GRHL2: variants seen among roughly 807,000 people sequenced by gnomAD.
GRHL2 encodes grainyhead-like protein 2 homolog.
A neutral mutation model predicts 83.8 loss-of-function variants in GRHL2; 21 were observed. The observed-to-expected ratio is 0.25, with a 90% CI of 0.18 to 0.36. The LOEUF (loss-of-function observed/expected upper bound fraction) is 0.36, where lower values mean the gene tolerates loss of function less well. Ranked by LOEUF, GRHL2 falls within the 10% of genes least tolerant of loss-of-function variation. The probability of loss-of-function intolerance (pLI) is 1.00; values close to 1 mark genes in which losing one functional copy is unlikely to be tolerated. For synonymous variants in GRHL2, 280 were observed against 278.9 expected (o/e 1.00, Z -0.04); for missense variants, 623 against 781.8 (o/e 0.80, Z 2.42).
intron 1 of GRHL2, among the ~76,000 whole-genome samples, chr8:101,527,485 G>T (rs1810832292): frequency 1.3e-5 from 2 of 152,174 alleles, no homozygotes; most frequent in Admixed American, 1.3e-4. Flanking sequence ...ATAGCTATGA[G>T]CCACTGTGCT....
intron 7 of GRHL2, among the ~76,000 whole-genome samples, chr8:101,592,144 G>A (rs1181056722): frequency 8.8e-5 from 10 of 113,960 alleles, no homozygotes; most frequent in Admixed American, 1.4e-4. Context: ...TTGCTCTGTC[G>A]CCCAGGCTGG....
intron 9 of GRHL2, among the ~76,000 whole-genome samples, chr8:101,628,720 C>A (rs773087157): frequency 6.6e-6 from 1 of 152,004 alleles, no homozygotes; most frequent in Non-Finnish European, 1.5e-5. Flanking sequence ...GGGAGGAGGT[C>A]AAAATATTAA....
At chr8:101,498,902 C>T (rs899878590) in intron 1 of GRHL2, among the ~76,000 whole-genome samples, 9 of 151,962 alleles carry the variant, frequency 5.9e-5, no homozygotes, top group Non-Finnish European at 1.3e-4. Context: ...AGTGAAACCC[C>T]GTCTCTACTA....
chr8:101,636,043 C>T lies in GRHL2; in HGVS notation c.1486-854C>T, dbSNP rs144077643. 2.0e-5 allele frequency among the ~76,000 whole-genome samples: 3 copies of T among 152,294 alleles called. No individual in the cohort carries two copies. In the East Asian group the frequency reaches 5.8e-4, roughly 29 times the overall value. On this transcript the variant is annotated intron_variant, in intron 11 of 15. Coordinates refer to ENST00000646743, the MANE Select transcript of GRHL2 (RefSeq NM_024915.4). ...TTAATATGTAAATGTCTGATACTAA[C>T]TCAGGTATTATTCTTCACTCAAAGG... is the stretch of plus-strand genomic sequence containing the variant.
At chr8:101,603,362 C>A (rs757098528) in intron 8 of GRHL2, among the ~76,000 whole-genome samples, 1 of 152,040 alleles carries the variant, frequency 6.6e-6, no homozygotes, top group Non-Finnish European at 1.5e-5. Context: ...AAAACCAATC[C>A]GGTATTTGGT....
intron 7 of GRHL2, among the ~76,000 whole-genome samples, chr8:101,580,150 TA>T (rs1227165199): frequency 6.6e-6 from 1 of 152,114 alleles, no homozygotes; most frequent in Non-Finnish European, 1.5e-5. Context: ...GCCCCTTAGC[TA>T]AAGCAAGGGT....
At chr8:101,656,984 G>A (rs945329012) in intron 14 of GRHL2, among the ~76,000 whole-genome samples, 2 of 152,082 alleles carry the variant, frequency 1.3e-5, no homozygotes, top group African/African-American at 4.8e-5. Flanking sequence ...GAAAGGGATA[G>A]GGATGTTCTC....
At chr8:101,496,702 G>A (rs1457820187) in intron 1 of GRHL2, among the ~76,000 whole-genome samples, 2 of 152,130 alleles carry the variant, frequency 1.3e-5, no homozygotes, top group Non-Finnish European at 2.9e-5. Flanking sequence ...ATAATGGGGA[G>A]GTCTTTTGTA....
chr8:101,662,233 A>G (rs116271594), intron 14 of GRHL2, among the ~76,000 whole-genome samples: 1,524 of 152,102 alleles, frequency 0.01, 19 homozygotes, highest in African/African-American at 0.035. Context: ...CCCCCACTGG[A>G]TGTGTTGTTT....
intron 11 of GRHL2, among the ~76,000 whole-genome samples, chr8:101,633,528 GA>G (rs1418648870): frequency 3.9e-5 from 6 of 152,292 alleles, no homozygotes; most frequent in African/African-American, 1.4e-4. Flanking sequence ...TCATGAGACA[GA>G]GCAACTCTAC....
intron 8 of GRHL2, among the ~76,000 whole-genome samples, chr8:101,618,981 C>T (rs528434840): frequency 6.6e-6 from 1 of 152,186 alleles, no homozygotes; most frequent in South Asian, 2.1e-4. Flanking sequence ...TGGCCAGGCA[C>T]GGTGGCTCAC....
intron 1 of GRHL2, among the ~76,000 whole-genome samples, chr8:101,519,308 G>C (rs1042761746): frequency 6.6e-6 from 1 of 152,002 alleles, no homozygotes; most frequent in Non-Finnish European, 1.5e-5. Context: ...ACAGCTGTGA[G>C]CCACTGTACT....
intron 1 of GRHL2, among the ~76,000 whole-genome samples, chr8:101,531,820 G>A (rs532505908): frequency 1.3e-5 from 2 of 151,956 alleles, no homozygotes; most frequent in African/African-American, 2.4e-5. Flanking sequence ...GAGAGGGGGT[G>A]GGGGAGAGAG....
chr8:101,564,524 G>T (rs970217441), intron 4 of GRHL2, among the ~76,000 whole-genome samples: 1 of 152,136 alleles, frequency 6.6e-6, no homozygotes, highest in Non-Finnish European at 1.5e-5. Context: ...AAGTGCTTTA[G>T]ACTGGGAGTG....
chr8:101,546,412 ATTT>A (rs57173859), intron 2 of GRHL2, among the ~76,000 whole-genome samples: 1 of 141,592 alleles, frequency 7.1e-6, no homozygotes, highest in African/African-American at 2.6e-5. Context: ...ATAATTAGTA[ATTT>A]TTTTTTTTTT....
At chr8:101,625,086 A>C (rs897969086) in intron 9 of GRHL2, among the ~76,000 whole-genome samples, 1 of 152,132 alleles carries the variant, frequency 6.6e-6, no homozygotes, top group African/African-American at 2.4e-5. Flanking sequence ...TTTTTAAAGC[A>C]CAAATAAGGA....
At chr8:101,643,568 C>T (rs1244454036) in intron 12 of GRHL2, among the ~76,000 whole-genome samples, 1 of 152,146 alleles carries the variant, frequency 6.6e-6, no homozygotes, top group Non-Finnish European at 1.5e-5. Context: ...CCTGGGCAGC[C>T]AAGGTCTGAG....
At chr8:101,525,347 A>C (rs560903983) in intron 1 of GRHL2, among the ~76,000 whole-genome samples, 1 of 152,318 alleles carries the variant, frequency 6.6e-6, no homozygotes, top group East Asian at 1.9e-4. Flanking sequence ...TTGAAGTCCC[A>C]GAAGAGTTTG....
intron 9 of GRHL2, among the ~76,000 whole-genome samples, chr8:101,626,987 T>C (rs552851567): frequency 1.4e-4 from 22 of 152,230 alleles, no homozygotes; most frequent in Admixed American, 2.6e-4. Flanking sequence ...TGTTTTGTCA[T>C]GCTGATAGCT....
Sources: gnomAD v4.1 joint callset for allele counts (sites outside exome capture counted in the v4.1 genomes callset) on GRCh38, gnomAD v4.1.1 for gene constraint, MANE v1.5 for transcripts, NCBI Gene and HGNC (gene_info 2026-07-23, HGNC 2026-07-21) for gene names.